The following MMP21 variants were observed in gnomAD, a reference collection of about 807,000 sequenced individuals.
The protein encoded by MMP21 is matrix metallopeptidase 21.
Under a neutral mutation model 47.8 loss-of-function variants are expected in MMP21, and 40 were observed. The observed-to-expected ratio is 0.84, with a 90% CI of 0.65 to 1.09. The LOEUF (loss-of-function observed/expected upper bound fraction) is 1.09. MMP21 is among the 50% of genes least tolerant of loss of function. The probability of loss-of-function intolerance (pLI) is 0.00; values close to 1 mark genes in which losing one functional copy is unlikely to be tolerated. For synonymous variants in MMP21, 341 were observed against 318.0 expected, an observed-to-expected ratio of 1.07 and a Z score of -0.77; for missense variants, 747 against 775.3, an observed-to-expected ratio of 0.96 and a Z score of 0.43.
rs1850474669 is a variant in MMP21 at position 125,773,252 on chromosome 10, C to T, written c.698-502G>A. Among the ~76,000 whole-genome samples the T allele has an allele frequency of 6.6e-6, 1 of 152,054 alleles. No homozygotes were observed. The highest frequency in any genetic ancestry group is 1.5e-5 in the Non-Finnish European group (1 of 68,006). ...TGTCTGCTTGCTGCTTGTCTCTGAC[C>T]ACTTCCATGCCCTCACCCACTCTCC... On this transcript the variant is annotated intron_variant, in intron 2 of 6. Transcript: ENST00000368808. This position sits in a 1 kb window ranked among gnomAD's most constrained non-coding sequence, Gnocchi z 4.8.
Position 125,772,056 on chromosome 10 carries a change from A to G in MMP21, c.979+162T>C, listed in dbSNP as rs1206258180. ...GCAAAACCACTTTTTAACTGAGAGA[A>G]TGGCATCAGGGAGCTAGAGGGTGGC... On this transcript the variant is annotated intron_variant, in intron 4 of 6. Transcript: ENST00000368808. The surrounding 1 kb of genome is among the most constrained non-coding windows in gnomAD (Gnocchi z 5.6). Among the ~76,000 whole-genome samples the G allele has an allele frequency of 2.0e-5, 3 of 152,120 alleles. No homozygotes were observed. The highest frequency in any genetic ancestry group is 2.9e-5 in the Non-Finnish European group (2 of 68,010).
chr10:125,767,055 A>G, intron 6 of MMP21, 94 bp from the exon 7 acceptor site: 1 of 1,020,882 alleles, frequency 9.8e-7, no homozygotes, highest in Non-Finnish European at 1.4e-6. Flanking sequence ...AAGACTTTGT[A>G]CCAAATTCTT....
rs1189780605 is a variant in MMP21, at chr10:125,773,768, G to A, written c.697+63C>T. ...CATTCTGCAGGTGGCCGAGGTGGGG[G>A]TAGGTGCGCCGGGGTCCCCGAGGGG... On this transcript the variant is annotated intron_variant, in intron 2 of 6. Coordinates refer to ENST00000368808, the MANE Select transcript of MMP21 (RefSeq NM_147191.1). The surrounding 1 kb of genome is among the most constrained non-coding windows in gnomAD (Gnocchi z 4.8). 5.6e-6 allele frequency: 8 copies of A among 1,440,500 alleles called. No homozygotes were observed. In the Admixed American group the frequency reaches 1.5e-4, roughly 28 times the overall value. 89.2% of individuals were successfully genotyped at this position (1,440,500 alleles called of 1,614,324 possible).
At chr10:125,770,858 A>T (rs2133782360) in intron 4 of MMP21, among the ~76,000 whole-genome samples, 1 of 151,896 alleles carries the variant, frequency 6.6e-6, no homozygotes, top group East Asian at 1.9e-4. Flanking sequence ...ACAAAAAAAA[A>T]AAAAAATACA....
chr10:125,773,199 G>A lies in MMP21; in HGVS notation c.698-449C>T, dbSNP rs999173633. Among the ~76,000 whole-genome samples the A allele has an allele frequency of 2.0e-5, 3 of 152,082 alleles. No homozygotes were observed. Among genetic ancestry groups the A allele is most frequent in the South Asian group, 2.1e-4 (1 of 4,828 alleles). On this transcript the variant is annotated intron_variant, in intron 2 of 6. Coordinates refer to ENST00000368808, the MANE Select transcript of MMP21 (RefSeq NM_147191.1). This position sits in a 1 kb window ranked among gnomAD's most constrained non-coding sequence, Gnocchi z 4.8. Reference sequence around the variant, plus strand: ...CCAGAAGACAGCCCTGAGCACCCCCGGGTCACAGATGGGGCTGCAAAGCGG... The same window carrying A: ...CCAGAAGACAGCCCTGAGCACCCCCAGGTCACAGATGGGGCTGCAAAGCGG...
At chr10:125,774,419 G>A in intron 1 of MMP21, 54 bp from the exon 2 acceptor site, 1 of 1,257,320 alleles carries the variant, frequency 8.0e-7, no homozygotes, top group Non-Finnish European at 1.0e-6. Flanking sequence ...GGCCCTCCCG[G>A]GCTGCCCTGC....
chr10:125,766,716 A>G lies in MMP21; in HGVS notation c.1656T>C (p.Ile552=). ...CACAAACATCAAACCACTTCTCTGA[A>G]ATAAACTTTTTTGGAAATAAGCCAT... The part of the protein sequence containing the change: ...PANGLFPKKF[I]SEKWFDVCDV... Residue 552 remains isoleucine, a synonymous_variant, in exon 7 of 7, where the codon ATT becomes ATC. Transcript: ENST00000368808. 6.2e-7 allele frequency: 1 copy of G among 1,613,744 alleles called. No homozygotes were observed. Among genetic ancestry groups the G allele is most frequent in the Non-Finnish European group, 8.5e-7 (1 of 1,179,940 alleles).
Position 125,773,867 on chromosome 10 carries a change from C to CG in MMP21, c.660dup (p.Gly221ArgfsTer37). On this transcript the variant is annotated frameshift_variant, in exon 2 of 7. Transcript: ENST00000368808. LOFTEE classifies it high-confidence loss of function. The surrounding 1 kb of genome is among the most constrained non-coding windows in gnomAD (Gnocchi z 4.8). ...CCCAGCTTGATGTCGACCGCGGCCCCGGGGGCGGCCAGGTCCTCGCGGAAG... is the reference window on the plus strand; with the variant it reads ...CCCAGCTTGATGTCGACCGCGGCCCCGGGGGGCGGCCAGGTCCTCGCGGAAG... 2 of 1,569,692 alleles carry CG rather than the reference C, an allele frequency of 1.3e-6. No individual in the cohort carries two copies. The highest frequency in any genetic ancestry group is 1.1e-5 in the South Asian group (1 of 88,030).
At chr10:125,771,406 A>ATTT (rs11432830) in intron 4 of MMP21, among the ~76,000 whole-genome samples, 87 of 140,408 alleles carry the variant, frequency 6.2e-4, no homozygotes, top group African/African-American at 2.2e-3. Context: ...GTTAGGGACT[A>ATTT]TTTTTTTTTT....
At position 125,767,569 on chromosome 10, in the gene MMP21, C is replaced by T. The variant is rs371284820; in HGVS notation, c.1373G>A (p.Arg458Gln). 1.5e-4 allele frequency: 240 copies of T among 1,613,980 alleles called. No individual in the cohort carries two copies. Among genetic ancestry groups the T allele is most frequent in the Non-Finnish European group, 1.8e-4 (214 of 1,179,998 alleles). Residue 458 changes from arginine (R) to glutamine (Q), a missense_variant, in exon 6 of 7, where the codon CGA (arginine) becomes CAA (glutamine). By Grantham distance (43) the Arg-to-Gln change is conservative. Transcript: ENST00000368808. The stretch of plus-strand genomic sequence containing the variant: ...GAAGAAGTAAATTAACTTCTGTCTT[C>T]GGTCATAAAACGCCGTGTCTAGGGG... ...PSPLDTAFYD[R>Q]RQKLIYFFKE...
intron 5 of MMP21, among the ~76,000 whole-genome samples, chr10:125,769,673 C>A (rs1249280268): frequency 6.6e-6 from 1 of 152,232 alleles, no homozygotes; most frequent in Non-Finnish European, 1.5e-5. Flanking sequence ...GCAGTGATCA[C>A]CTCTTCTGCT....
At chr10:125,767,845 T>C in intron 5 of MMP21, 141 bp from the exon 6 acceptor site, 1 of 764,134 alleles carries the variant, frequency 1.3e-6, no homozygotes, top group Non-Finnish European at 2.1e-6. Context: ...TTTCGGCATC[T>C]GAGTGAAGCC....
chr10:125,767,325 G>C (rs532329018), intron 6 of MMP21, among the ~76,000 whole-genome samples: 2 of 152,128 alleles, frequency 1.3e-5, no homozygotes, highest in Non-Finnish European at 2.9e-5. Context: ...TGTTGAGACC[G>C]AAACATGGGT....
rs1201320084 is a variant in MMP21, at chr10:125,772,433, G to A, written c.838-74C>T. 6 of 1,594,320 alleles carry A rather than the reference G, an allele frequency of 3.8e-6. No individual in the cohort carries two copies. Among genetic ancestry groups the A allele is most frequent in the Non-Finnish European group, 5.1e-6 (6 of 1,166,912 alleles). ...ATCCCTGCATAACAGACGCAGGCCT[G>A]TGCTTCGAGAGGAGCGTTGCTTGTG... On this transcript the variant is annotated intron_variant, in intron 3 of 6. Coordinates refer to ENST00000368808, the MANE Select transcript of MMP21 (RefSeq NM_147191.1). The surrounding 1 kb of genome is among the most constrained non-coding windows in gnomAD (Gnocchi z 5.6).
chr10:125,775,034 T>C (rs28381278), intron 1 of MMP21, among the ~76,000 whole-genome samples: 2,817 of 152,286 alleles, frequency 0.018, 101 homozygotes, highest in East Asian at 0.14. Context: ...TCTGGGGCAC[T>C]GTGGGAGCTG....
intron 1 of MMP21, 62 bp from the exon 2 acceptor site, chr10:125,774,427 T>C: frequency 2.5e-6 from 3 of 1,196,452 alleles, no homozygotes; most frequent in Non-Finnish European, 3.2e-6. Flanking sequence ...CGGGCTGCCC[T>C]GCCCCAAAGT....
At position 125,774,296 on chromosome 10, in the gene MMP21, C is replaced by G. The variant is rs868062887; in HGVS notation, c.232G>C (p.Glu78Gln). 2 of 1,418,780 alleles carry G rather than the reference C, an allele frequency of 1.4e-6. No homozygotes were observed. Among genetic ancestry groups the G allele is most frequent in the Non-Finnish European group, 1.8e-6 (2 of 1,094,654 alleles). 87.9% of individuals were successfully genotyped at this position (1,418,780 alleles called of 1,614,324 possible). A position where few individuals can be genotyped will look rare whatever the true frequency, so the allele number is the denominator to read the frequency against. ...AWGPSPEGPP[E>Q]TPKGAALAEA... ...GCCAGGGCGGCGCCCTTGGGGGTCT[C>G]CGGCGGCCCCTCGGGACTGGGCCCC... Residue 78 changes from glutamate to glutamine, a missense_variant, in exon 2 of 7, where the codon GAG becomes CAG. Physicochemically the swap from Glu to Gln is conservative, Grantham distance 29. Transcript: ENST00000368808.
At chr10:125,771,891 T>TC (rs1360805404) in intron 4 of MMP21, among the ~76,000 whole-genome samples, 2 of 152,134 alleles carry the variant, frequency 1.3e-5, no homozygotes, top group Non-Finnish European at 2.9e-5. Context: ...TCCCAGGGCT[T>TC]CCAGTGTGTG....
chr10:125,769,740 C>T (rs1179455288), intron 5 of MMP21, among the ~76,000 whole-genome samples: 2 of 151,808 alleles, frequency 1.3e-5, no homozygotes, highest in Non-Finnish European at 2.9e-5. Flanking sequence ...TTTTTTTTCC[C>T]TCCAGAACCA....
Sources: gnomAD v4.1 joint callset for allele counts (sites outside exome capture counted in the v4.1 genomes callset) on GRCh38, gnomAD v4.1.1 for gene constraint, Gnocchi (gnomAD v3.1) non-coding constraint, MANE v1.5 for transcripts, NCBI Gene and HGNC (gene_info 2026-07-23, HGNC 2026-07-21) for gene names.